Variants in MGAT4C observed in about 807,000 individuals in gnomAD.
The protein encoded by MGAT4C is MGAT4 family member C.
In MGAT4C, 19 loss-of-function variants were observed where a neutral mutation model predicts 40.1. That is an observed-to-expected ratio of 0.47 (90% CI 0.33 to 0.70). The LOEUF is 0.70. MGAT4C is among the 30% of genes least tolerant of loss of function. MGAT4C has a pLI of 0.02. For synonymous variants in MGAT4C, 181 were observed against 187.1 expected (o/e 0.97, Z 0.27); for missense variants, 491 against 563.2 (o/e 0.87, Z 1.30).
At chr12:86,015,481 C>T (rs1320625324) in intron 2 of MGAT4C, among the ~76,000 whole-genome samples, 1 of 152,112 alleles carries the variant, frequency 6.6e-6, no homozygotes, top group African/African-American at 2.4e-5. Context: ...GTCTGGCATC[C>T]TTTGTGTAAG....
chr12:86,482,102 A>AC (rs59483745), intron 2 of MGAT4C, among the ~76,000 whole-genome samples: 115 of 149,832 alleles, frequency 7.7e-4, no homozygotes, highest in African/African-American at 2.6e-3. Flanking sequence ...ACACACACAC[A>AC]AGCAAGTCTT....
At chr12:86,797,299 C>A (rs1186314234) in intron 1 of MGAT4C, among the ~76,000 whole-genome samples, 8 of 151,774 alleles carry the variant, frequency 5.3e-5, no homozygotes, top group African/African-American at 1.9e-4. Context: ...CATGATCCTA[C>A]AATCTCTGGA....
chr12:86,186,750 T>C (rs546995826), intron 1 of MGAT4C, among the ~76,000 whole-genome samples: 2 of 152,082 alleles, frequency 1.3e-5, no homozygotes, highest in Non-Finnish European at 2.9e-5. Context: ...GTTTCAAGCT[T>C]ATCATGAGTA....
chr12:86,189,741 A>AG, intron 1 of MGAT4C, among the ~76,000 whole-genome samples: 1 of 152,158 alleles, frequency 6.6e-6, no homozygotes, highest in South Asian at 2.1e-4. Context: ...AGCAAAACAA[A>AG]AACTAAAAAC....
intron 2 of MGAT4C, among the ~76,000 whole-genome samples, chr12:86,042,354 T>A (rs1891940825): frequency 1.3e-5 from 2 of 152,218 alleles, no homozygotes; most frequent in Admixed American, 1.3e-4. Context: ...TGTCATTGTG[T>A]TGTTAGCTCG....
intron 1 of MGAT4C, among the ~76,000 whole-genome samples, chr12:86,204,681 T>C (rs931070022): frequency 6.6e-6 from 1 of 152,148 alleles, no homozygotes; most frequent in Non-Finnish European, 1.5e-5. Flanking sequence ...TCATTTTCCT[T>C]ATGATTTTAT....
intron 2 of MGAT4C, among the ~76,000 whole-genome samples, chr12:86,506,192 A>T (rs1394286832): frequency 6.6e-6 from 1 of 152,148 alleles, no homozygotes; most frequent in Non-Finnish European, 1.5e-5. Flanking sequence ...ATTAAACGAA[A>T]ATTCATGTTC....
Position 86,538,858 on chromosome 12 carries a change from C to T in MGAT4C, c.-228-103593G>A, listed in dbSNP as rs1483725904. ...TTCTGACCTCCTGATCTGCCCGCCT[C>T]GGTCTCCCAAAGTACTGGGATTACA... On this transcript the variant is annotated intron_variant, in intron 2 of 7. Coordinates refer to the MGAT4C transcript ENST00000548651. Among the ~76,000 whole-genome samples, 7 of 152,168 alleles carry T rather than the reference C, an allele frequency of 4.6e-5. No homozygotes were observed. The East Asian group carries it at 1.2e-3, about 25-fold the overall frequency.
chr12:86,769,795 CAT>C (rs2136166625), intron 1 of MGAT4C, among the ~76,000 whole-genome samples: 1 of 152,182 alleles, frequency 6.6e-6, no homozygotes, highest in South Asian at 2.1e-4. Flanking sequence ...TGTTCTCACT[CAT>C]AGGTGAGAAC....
chr12:86,113,507 T>TA (rs1164891810), intron 1 of MGAT4C, among the ~76,000 whole-genome samples: 3 of 151,064 alleles, frequency 2.0e-5, no homozygotes, highest in Admixed American at 6.6e-5. Context: ...TATTACAGAA[T>TA]AAAAAAATTA....
At chr12:86,527,129 G>A (rs1259651757) in intron 2 of MGAT4C, among the ~76,000 whole-genome samples, 1 of 152,124 alleles carries the variant, frequency 6.6e-6, no homozygotes, top group Non-Finnish European at 1.5e-5. Flanking sequence ...TCACCTGGCT[G>A]GATCTAGTGG....
chr12:86,162,736 ATGT>A (rs1339568754), intron 1 of MGAT4C, among the ~76,000 whole-genome samples: 1 of 152,196 alleles, frequency 6.6e-6, no homozygotes, highest in Non-Finnish European at 1.5e-5. Flanking sequence ...TCATTAGCAA[ATGT>A]TGTTAACTAG....
chr12:86,182,789 G>A (rs1317904703), intron 1 of MGAT4C, among the ~76,000 whole-genome samples: 1 of 152,096 alleles, frequency 6.6e-6, no homozygotes, highest in Non-Finnish European at 1.5e-5. Context: ...AAGGAAGTTA[G>A]TATGGTCATG....
intron 3 of MGAT4C, among the ~76,000 whole-genome samples, chr12:86,408,894 G>A (rs908409298): frequency 1.3e-5 from 2 of 151,890 alleles, no homozygotes; most frequent in African/African-American, 4.8e-5. Context: ...TTAAGTTTTA[G>A]AAATGGTTCA....
At chr12:86,262,134 G>T (rs1442125585) in intron 4 of MGAT4C, among the ~76,000 whole-genome samples, 1 of 152,022 alleles carries the variant, frequency 6.6e-6, no homozygotes, top group Non-Finnish European at 1.5e-5. Flanking sequence ...TCATCTCACT[G>T]TTGTGTTTCT....
At chr12:86,164,523 T>C (rs972689652) in intron 1 of MGAT4C, among the ~76,000 whole-genome samples, 8 of 152,200 alleles carry the variant, frequency 5.3e-5, no homozygotes, top group Admixed American at 2.0e-4. Context: ...TAGACATTAA[T>C]CAACTAGTCA....
At chr12:86,508,038 ATG>A (rs956311863) in intron 2 of MGAT4C, among the ~76,000 whole-genome samples, 2 of 151,788 alleles carry the variant, frequency 1.3e-5, no homozygotes, top group African/African-American at 4.8e-5. Context: ...CTTTCCATTT[ATG>A]TGTGTCTTTA....
At chr12:86,569,816 C>CA (rs771919668) in intron 2 of MGAT4C, among the ~76,000 whole-genome samples, 6 of 151,960 alleles carry the variant, frequency 3.9e-5, no homozygotes, top group Non-Finnish European at 7.4e-5. Context: ...GAAGGGATTA[C>CA]AAAAACGTGG....
chr12:86,061,364 C>T (rs927714074), intron 1 of MGAT4C, among the ~76,000 whole-genome samples: 4 of 152,090 alleles, frequency 2.6e-5, no homozygotes, highest in African/African-American at 7.2e-5. Flanking sequence ...TCACAACCTG[C>T]GGACCAGGAG....
Sources: gnomAD v4.1 joint callset for allele counts (sites outside exome capture counted in the v4.1 genomes callset) on GRCh38, gnomAD v4.1.1 for gene constraint, MANE v1.5 for transcripts, NCBI Gene and HGNC (gene_info 2026-07-23, HGNC 2026-07-21) for gene names.